The following CAMTA2 variants were observed in gnomAD, a reference collection of about 807,000 sequenced individuals.
CAMTA2 encodes calmodulin binding transcription activator 2, also known as calmodulin-binding transcription activator 2.
A neutral mutation model predicts 135.7 loss-of-function variants in CAMTA2; 56 were observed. The ratio of observed to expected loss-of-function variants is 0.41; its 90% confidence interval spans 0.33 to 0.52. The LOEUF (loss-of-function observed/expected upper bound fraction) is 0.52. Among genes scored for constraint, CAMTA2 ranks in the 20% least tolerant of loss-of-function variants. CAMTA2 has a pLI of 0.16. For synonymous variants in CAMTA2, 591 were observed against 604.6 expected, an observed-to-expected ratio of 0.98 and a Z score of 0.33; for missense variants, 1,358 against 1,553.4, an observed-to-expected ratio of 0.87 and a Z score of 2.11.
Position 4,969,594 on chromosome 17 carries a change from G to C in CAMTA2, c.3261+36C>G. ...GTTAGGCGTGGGTGTGGGTTGGTGG[G>C]TTGCTGGTTACACTTTTGAGGGAGA... On this transcript the variant is annotated intron_variant, in intron 19 of 22. Coordinates refer to ENST00000348066, the MANE Select transcript of CAMTA2 (RefSeq NM_015099.4). The surrounding 1 kb of genome is among the most constrained non-coding windows in gnomAD (Gnocchi z 5.6). The C allele has an allele frequency of 1.2e-6, 2 of 1,613,800 alleles. No homozygotes were observed. The highest frequency in any genetic ancestry group is 1.7e-6 in the Non-Finnish European group (2 of 1,179,684).
Position 4,973,648 on chromosome 17 carries a change from C to T in CAMTA2, c.2138G>A (p.Ser713Asn), listed in dbSNP as rs1201339476. 6 of 1,614,080 alleles carry T rather than the reference C, an allele frequency of 3.7e-6. No individual in the cohort carries two copies. The Admixed American group carries it at 8.3e-5, about 22-fold the overall frequency. ...LAHGSPFRGM[S>N]LLHLAAAQGY... is the part of the protein sequence containing the mutation. The stretch of plus-strand genomic sequence containing the variant: ...CTGGGCAGCAGCCAGGTGCAGAAGG[C>T]TCATGCCCCGGAAGGGGCTTCCATG... The change falls in exon 13 of 23, where the codon AGC (serine) becomes AAC (asparagine). Residue 713 changes from serine (S) to asparagine (N), a missense_variant. This residue lies in a region of CAMTA2 where 1,077 missense variants were observed against 1,127.5 expected (regional missense o/e 0.96). Coordinates refer to ENST00000348066, the MANE Select transcript of CAMTA2 (RefSeq NM_015099.4).
At chr17:4,984,969 A>G (rs536384628) in intron 3 of CAMTA2, among the ~76,000 whole-genome samples, 1 of 151,574 alleles carries the variant, frequency 6.6e-6, no homozygotes, top group Admixed American at 6.6e-5. Context: ...GTGAGCCGAG[A>G]TCGCGCCACT....
At chr17:4,973,883 T>A in intron 12 of CAMTA2, 114 bp from the exon 13 acceptor site, 3 of 814,654 alleles carry the variant, frequency 3.7e-6, no homozygotes, top group Non-Finnish European at 5.7e-6. Flanking sequence ...CCTCCCCACA[T>A]GTCCCACTCT....
chr17:4,986,290 G>C lies in CAMTA2; in HGVS notation c.-64-4C>G, dbSNP rs761499668. 25 of 1,280,946 alleles carry C rather than the reference G, an allele frequency of 2.0e-5. No individual in the cohort carries two copies. The highest frequency in any genetic ancestry group is 2.6e-5 in the Non-Finnish European group (23 of 896,880). 79.3% of individuals were successfully genotyped at this position (1,280,946 alleles called of 1,614,324 possible). A position where few individuals can be genotyped will look rare whatever the true frequency, so the allele number is the denominator to read the frequency against. ...CCGGGGGGAGGGGGAGTCTGTGCTGGGAAGGGAGAGAACAAGGTCATGGCA... is the reference window on the plus strand; with the variant it reads ...CCGGGGGGAGGGGGAGTCTGTGCTGCGAAGGGAGAGAACAAGGTCATGGCA... On this transcript the variant is annotated splice_region_variant and splice_polypyrimidine_tract_variant and intron_variant, in intron 1 of 22. Transcript: ENST00000348066.
Position 4,970,091 on chromosome 17 carries a change from G to A in CAMTA2, c.3006-6C>T, listed in dbSNP as rs1452064948. The A allele has an allele frequency of 5.0e-6, 8 of 1,612,952 alleles. No individual in the cohort carries two copies. The highest frequency in any genetic ancestry group is 4.4e-5 in the South Asian group (4 of 91,042). ...CTCGCTCAAAGGGCAGTTCGCTGTAGGCGGTAGGGAAAGAGGGTGTCATGA... is the reference window on the plus strand; with the variant it reads ...CTCGCTCAAAGGGCAGTTCGCTGTAAGCGGTAGGGAAAGAGGGTGTCATGA... On this transcript the variant is annotated splice_region_variant and splice_polypyrimidine_tract_variant and intron_variant, in intron 17 of 22. Coordinates refer to ENST00000348066, the MANE Select transcript of CAMTA2 (RefSeq NM_015099.4).
chr17:4,970,452 C>G lies in CAMTA2; in HGVS notation c.2893G>C (p.Ala965Pro). Residue 965 changes from alanine to proline, a missense_variant, in exon 17 of 23, where the codon GCT becomes CCT. Physicochemically the swap from Ala to Pro is conservative, Grantham distance 27. This residue lies in a region of CAMTA2 where 1,077 missense variants were observed against 1,127.5 expected (regional missense o/e 0.96). Transcript: ENST00000348066. Reference sequence around the variant, plus strand: ...GTCCGCTCCCGCATTGAGGCTCCAGCCTCGGGCAGCCCCACGAAGTCCTCT... The same window carrying G: ...GTCCGCTCCCGCATTGAGGCTCCAGGCTCGGGCAGCCCCACGAAGTCCTCT... ...KREDFVGLPE[A>P]GASMRERTGA... 1.2e-6 allele frequency: 2 copies of G among 1,614,056 alleles called. No individual in the cohort carries two copies. Among genetic ancestry groups the G allele is most frequent in the Non-Finnish European group, 1.7e-6 (2 of 1,180,010 alleles).
intron 11 of CAMTA2, among the ~76,000 whole-genome samples, chr17:4,976,528 C>T (rs929185214): frequency 1.3e-5 from 2 of 152,006 alleles, no homozygotes; most frequent in African/African-American, 4.8e-5. Flanking sequence ...GGCGAAACCT[C>T]ATCTCTACTA....
intron 16 of CAMTA2, 63 bp from the exon 17 acceptor site, chr17:4,970,599 C>G (rs1483455434): frequency 7.4e-7 from 1 of 1,351,700 alleles, no homozygotes; most frequent in East Asian, 2.3e-5. Flanking sequence ...TAACCTCAGT[C>G]CATTCCTATC....
intron 11 of CAMTA2, among the ~76,000 whole-genome samples, chr17:4,975,892 T>A (rs1972582576): frequency 6.6e-6 from 1 of 151,976 alleles, no homozygotes; most frequent in Non-Finnish European, 1.5e-5. Flanking sequence ...AACTCCCAGA[T>A]TTAAATAAAT....
Position 4,982,173 on chromosome 17 carries a change from A to G in CAMTA2, c.340-13T>C. ...AGCCATAGAGACACTGCCAGGAGAC[A>G]GGCTGGGGTGGGGGGAGGGCTAGTC... On this transcript the variant is annotated splice_polypyrimidine_tract_variant and intron_variant, in intron 5 of 22. Transcript: ENST00000348066. 1 of 607,394 alleles carries G rather than the reference A, an allele frequency of 1.6e-6. No homozygotes were observed. Among genetic ancestry groups the G allele is most frequent in the Non-Finnish European group, 3.0e-6 (1 of 336,016 alleles). 37.6% of individuals were successfully genotyped at this position (607,394 alleles called of 1,614,324 possible). A position where few individuals can be genotyped will look rare whatever the true frequency, so the allele number is the denominator to read the frequency against.
rs745379202 is a variant in CAMTA2 at position 4,968,680 on chromosome 17, C to T, written c.*76G>A. ...CAGGAAAGCTGCCGACAGGGGCTCCCCCTGCCCCAGAAAGCCCTCTCCCTG... is the reference window on the plus strand; with the variant it reads ...CAGGAAAGCTGCCGACAGGGGCTCCTCCTGCCCCAGAAAGCCCTCTCCCTG... On this transcript the variant is annotated 3_prime_UTR_variant, in exon 23 of 23. Coordinates refer to ENST00000348066, the MANE Select transcript of CAMTA2 (RefSeq NM_015099.4). 6.4e-7 allele frequency: 1 copy of T among 1,553,696 alleles called. No individual in the cohort carries two copies. Among genetic ancestry groups the T allele is most frequent in the African/African-American group, 1.4e-5 (1 of 73,764 alleles).
intron 3 of CAMTA2, among the ~76,000 whole-genome samples, chr17:4,985,016 C>CAAA (rs565945709): frequency 2.0e-5 from 2 of 98,690 alleles, no homozygotes; most frequent in South Asian, 5.7e-4. Flanking sequence ...GACTCCATCT[C>CAAA]AAAAAAAAAA....
chr17:4,970,944 G>A (rs937474979), intron 16 of CAMTA2, among the ~76,000 whole-genome samples: 1 of 152,112 alleles, frequency 6.6e-6, no homozygotes, highest in Non-Finnish European at 1.5e-5. Flanking sequence ...ACTACTACCC[G>A]GATGAATGGC....
In CAMTA2 at chr17:4,970,492, C is replaced by G. The variant is rs149597137; in HGVS notation, c.2853G>C (p.Pro951=). ...SLAKQIIEAT[P]ERIKREDFVG... is the part of the protein sequence containing the mutation. The stretch of plus-strand genomic sequence containing the variant: ...CGAAGTCCTCTCGTTTAATCCGCTC[C>G]GGTGTGGCTTCGATGATCTGCTTGG... The change falls in exon 17 of 23, where the codon CCG becomes CCC. Residue 951 remains proline, a synonymous_variant. Coordinates refer to ENST00000348066, the MANE Select transcript of CAMTA2 (RefSeq NM_015099.4). The G allele has an allele frequency of 1.2e-6, 2 of 1,613,800 alleles. No individual in the cohort carries two copies. Among genetic ancestry groups the G allele is most frequent in the Admixed American group, 1.7e-5 (1 of 60,018 alleles).
chr17:4,986,684 G>A, intron 1 of CAMTA2: 2 of 546,200 alleles, frequency 3.7e-6, no homozygotes, highest in South Asian at 2.2e-5. Context: ...CCTGGGGGCA[G>A]GGCAGGAGAT....
At chr17:4,987,360 G>A (rs1973420948) in intron 1 of CAMTA2, 6 of 1,361,516 alleles carry the variant, frequency 4.4e-6, no homozygotes, top group Non-Finnish European at 5.6e-6. Context: ...GAGGGACAGT[G>A]CAGGTGCCGG....
In CAMTA2 at chr17:4,972,387, A is replaced by T; in HGVS notation, c.2653T>A (p.Ser885Thr). The T allele has an allele frequency of 2.5e-6, 4 of 1,614,054 alleles. No individual in the cohort carries two copies. The highest frequency in any genetic ancestry group is 3.4e-6 in the Non-Finnish European group (4 of 1,179,942). Reference protein sequence around the residue: ...TMEDMAPGQLSSGVPEAPLLL... With the variant: ...TMEDMAPGQLTSGVPEAPLLL... ...AGGGGGGCTTCTGGGACACCAGAGG[A>T]AAGCTGGCCTGGGGCCATGTCCTCC... Residue 885 changes from serine (S) to threonine (T), a missense_variant, in exon 16 of 23, where the codon TCC becomes ACC. By Grantham distance (58) the Ser-to-Thr change is moderately conservative (BLOSUM62 1). Transcript: ENST00000348066.
At position 4,972,503 on chromosome 17, in the gene CAMTA2, G is replaced by A. The variant is rs759655724; in HGVS notation, c.2537C>T (p.Ser846Leu). 2.0e-5 allele frequency: 32 copies of A among 1,609,766 alleles called. No individual in the cohort carries two copies. In the Admixed American group the frequency reaches 4.6e-4, roughly 23 times the overall value. Residue 846 changes from serine (S) to leucine (L), a missense_variant, in exon 16 of 23, where the codon TCG becomes TTG. Coordinates refer to ENST00000348066, the MANE Select transcript of CAMTA2 (RefSeq NM_015099.4). The stretch of plus-strand genomic sequence containing the variant: ...TGACGTGACGGAAAAGGTGCCATCC[G>A]ACAGCTCCGAGGGCGAGGAGACGCT... ...LSSVSSPSEL[S>L]DGTFSVTSAY...
chr17:4,973,094 G>A lies in CAMTA2; in HGVS notation c.2280+81C>T, dbSNP rs113791869. On this transcript the variant is annotated intron_variant, in intron 14 of 22. Coordinates refer to ENST00000348066, the MANE Select transcript of CAMTA2 (RefSeq NM_015099.4). ...CAGGCCCCAGCCCACCCCACTCCCTGCATTCCTCAGGATCTTCCTTTTCAA... is the reference window on the plus strand; with the variant it reads ...CAGGCCCCAGCCCACCCCACTCCCTACATTCCTCAGGATCTTCCTTTTCAA... The A allele has an allele frequency of 1.4e-3, 2,089 of 1,517,196 alleles. 26 individuals carry two copies. The African/African-American group carries it at 0.025, about 18-fold the overall frequency. 94.0% of individuals were successfully genotyped at this position (1,517,196 alleles called of 1,614,324 possible).
Sources: gnomAD v4.1 joint callset for allele counts (sites outside exome capture counted in the v4.1 genomes callset) on GRCh38, gnomAD v4.1.1 for gene constraint, gnomAD v4.1.1 regional missense constraint, Gnocchi (gnomAD v3.1) non-coding constraint, MANE v1.5 for transcripts, NCBI Gene and HGNC (gene_info 2026-07-23, HGNC 2026-07-21) for gene names.